The following PYGM variants were observed in gnomAD, a reference collection of about 807,000 sequenced individuals.
The protein encoded by PYGM is glycogen phosphorylase, muscle associated.
A neutral mutation model predicts 99.3 loss-of-function variants in PYGM; 81 were observed. The observed-to-expected ratio is 0.82, with a 90% CI of 0.68 to 0.98. PYGM has a LOEUF of 0.98. Among genes scored for constraint, PYGM ranks in the 50% least tolerant of loss-of-function variants. The probability of loss-of-function intolerance (pLI) is 0.00; values close to 1 mark genes in which losing one functional copy is unlikely to be tolerated. For synonymous variants in PYGM, 436 were observed against 451.5 expected (o/e 0.97, Z 0.44); for missense variants, 1,030 against 1,158.1 (o/e 0.89, Z 1.61).
At chr11:64,756,924 A>G (rs922849432) in intron 5 of PYGM, among the ~76,000 whole-genome samples, 2 of 152,116 alleles carry the variant, frequency 1.3e-5, no homozygotes, top group African/African-American at 4.8e-5. Flanking sequence ...CTGAAGCCTC[A>G]GAGTAGCTGG....
chr11:64,757,940 C>G, intron 4 of PYGM, 30 bp from the exon 5 acceptor site: 1 of 1,613,138 alleles, frequency 6.2e-7, no homozygotes, highest in East Asian at 2.2e-5. Flanking sequence ...GGGAGAAAGG[C>G]CAGCAGTATC....
intron 17 of PYGM, chr11:64,748,196 G>A (rs1421596383): frequency 6.6e-6 from 1 of 152,494 alleles, no homozygotes; most frequent in Non-Finnish European, 1.5e-5. Context: ...CTAGTCCCTT[G>A]TGCGACTCTC....
rs1203712834 is a variant in PYGM, at chr11:64,755,422, G to T, written c.772+25C>A. ...CGTGGCCGGCGGGCAAGCTGGGGTTGCTGGCTACCAGTGGATGAACTCACA... is the reference window on the plus strand; with the variant it reads ...CGTGGCCGGCGGGCAAGCTGGGGTTTCTGGCTACCAGTGGATGAACTCACA... On this transcript the variant is annotated intron_variant, in intron 6 of 19. Transcript: ENST00000164139. This position sits in a 1 kb window ranked among gnomAD's most constrained non-coding sequence, Gnocchi z 4.1. 2 of 1,612,796 alleles carry T rather than the reference G, an allele frequency of 1.2e-6. No homozygotes were observed. The highest frequency in any genetic ancestry group is 1.7e-6 in the Non-Finnish European group (2 of 1,178,864).
At position 64,746,643 on chromosome 11, in the gene PYGM, G is replaced by T. The variant is rs746840724; in HGVS notation, c.*16C>A. On this transcript the variant is annotated 3_prime_UTR_variant, in exon 20 of 20. Transcript: ENST00000164139. ...GTGACAGACTCAAGGGCTGGTTTGG[G>T]GTCTGGTCTGGAGGCTCAGATGGCC... is the stretch of plus-strand genomic sequence containing the variant. 7.4e-6 allele frequency: 12 copies of T among 1,613,930 alleles called. No individual in the cohort carries two copies. Among genetic ancestry groups the T allele is most frequent in the Non-Finnish European group, 1.0e-5 (12 of 1,180,026 alleles).
Position 64,754,537 on chromosome 11 carries a change from T to C in PYGM, c.999+156A>G. 4 of 1,219,994 alleles carry C rather than the reference T, an allele frequency of 3.3e-6. No individual in the cohort carries two copies. The highest frequency in any genetic ancestry group is 4.6e-6 in the Non-Finnish European group (4 of 869,730). The allele number at this position is 1,219,994 out of a possible 1,614,324, so 75.6% of individuals were successfully genotyped here. A position where few individuals can be genotyped will look rare whatever the true frequency, so the allele number is the denominator to read the frequency against. Reference sequence around the variant, plus strand: ...GCGGGAGGAGGAGGGAAGCCCAGGTTCTGAGCCTGTGGATTGTGAATCCTG... The same window carrying C: ...GCGGGAGGAGGAGGGAAGCCCAGGTCCTGAGCCTGTGGATTGTGAATCCTG... On this transcript the variant is annotated intron_variant, in intron 8 of 19. Transcript: ENST00000164139. This position sits in a 1 kb window ranked among gnomAD's most constrained non-coding sequence, Gnocchi z 5.5.
chr11:64,759,721 C>T lies in PYGM; in HGVS notation c.178G>A (p.Val60Met), dbSNP rs765962705. 1.7e-5 allele frequency: 27 copies of T among 1,614,046 alleles called. No individual in the cohort carries two copies. The Admixed American group carries it at 2.3e-4, about 14-fold the overall frequency. ...CAGCGCCCCACGAGGTGGTCGCGCA[C>T]GGTATGGGCCAGAGCAAAGTAGTAG... ...RDYYFALAHT[V>M]RDHLVGRWIR... Residue 60 changes from valine (V) to methionine (M), a missense_variant, in exon 1 of 20, where the codon GTG becomes ATG. Transcript: ENST00000164139.
intron 1 of PYGM, among the ~76,000 whole-genome samples, 159 bp from the exon 2 acceptor site, chr11:64,758,863 C>T (rs980766863): frequency 6.6e-6 from 1 of 152,158 alleles, no homozygotes; most frequent in Admixed American, 6.5e-5. Context: ...TGGGGCCCAG[C>T]GGTTAAGGTT....
chr11:64,758,776 G>T, intron 1 of PYGM, 72 bp from the exon 2 acceptor site: 1 of 1,364,600 alleles, frequency 7.3e-7, no homozygotes, highest in Non-Finnish European at 1.0e-6. Context: ...GCCCAGCCAC[G>T]CCTGGACCTC....
intron 1 of PYGM, 55 bp from the exon 2 acceptor site, chr11:64,758,759 C>A: frequency 1.4e-6 from 2 of 1,449,794 alleles, no homozygotes; most frequent in South Asian, 2.3e-5. Context: ...CACCAACACT[C>A]AGCCAGGCCC....
chr11:64,757,819 A>C lies in PYGM; in HGVS notation c.620T>G (p.Val207Gly). 1 of 1,614,106 alleles carries C rather than the reference A, an allele frequency of 6.2e-7. No individual in the cohort carries two copies. Among genetic ancestry groups the C allele is most frequent in the South Asian group, 1.1e-5 (1 of 91,084 alleles). ...CTTGGCACCCTGGCTGGTGTGCTCC[A>C]CATGGCCGTAGAAGTGCACAGGTAG... Reference protein sequence around the residue: ...FTLPVHFYGHVEHTSQGAKWV... With the variant: ...FTLPVHFYGHGEHTSQGAKWV... Residue 207 changes from valine to glycine, a missense_variant, in exon 5 of 20, where the codon GTG becomes GGG. Val to Gly is a moderately radical substitution (Grantham distance 109). Transcript: ENST00000164139.
intron 13 of PYGM, 101 bp from the exon 14 acceptor site, chr11:64,752,172 C>T: frequency 6.5e-7 from 1 of 1,529,196 alleles, no homozygotes; most frequent in East Asian, 2.2e-5. Flanking sequence ...TACCAGGAGG[C>T]TCACTGGCTA....
Position 64,750,545 on chromosome 11 carries a change from C to G in PYGM, c.2008G>C (p.Ala670Pro). 2.5e-6 allele frequency: 4 copies of G among 1,614,200 alleles called. No individual in the cohort carries two copies. The highest frequency in any genetic ancestry group is 3.4e-6 in the Non-Finnish European group (4 of 1,180,042). ...CCGGTGCCTGAGGCTTCAGTGCCCG[C>G]AGTGGAGATCTGCTCAGAGAGGTCT... is the stretch of plus-strand genomic sequence containing the variant. ...AADLSEQIST[A>P]GTEASGTGNM... is the part of the protein sequence containing the mutation. Residue 670 changes from alanine to proline, a missense_variant, in exon 17 of 20, where the codon GCG (alanine) becomes CCG (proline). Transcript: ENST00000164139.
intron 11 of PYGM, 119 bp from the exon 12 acceptor site, chr11:64,753,306 G>T: frequency 8.2e-7 from 1 of 1,221,102 alleles, no homozygotes; most frequent in Admixed American, 1.7e-5. Context: ...TGCAGACCTG[G>T]GGAAGGTTGG....
chr11:64,746,486 G>T lies in PYGM; in HGVS notation c.*173C>A. The T allele has an allele frequency of 2.2e-6, 2 of 901,272 alleles. No individual in the cohort carries two copies. The highest frequency in any genetic ancestry group is 4.5e-5 in the Admixed American group (2 of 44,040). The allele number at this position is 901,272 out of a possible 1,614,324, so 55.8% of individuals were successfully genotyped here. A position where few individuals can be genotyped will look rare whatever the true frequency, so the allele number is the denominator to read the frequency against. On this transcript the variant is annotated 3_prime_UTR_variant, in exon 20 of 20. Transcript: ENST00000164139. ...GACCGGGAGCCCGAGGACGGAAGGG[G>T]GCCCGTGTCCTTAGTCACGCTGGAC...
Position 64,753,906 on chromosome 11 carries a change from G to T in PYGM, c.1212C>A (p.Ile404=). Residue 404 remains isoleucine, a synonymous_variant, in exon 10 of 20, where the codon ATC becomes ATA. Coordinates refer to ENST00000164139, the MANE Select transcript of PYGM (RefSeq NM_005609.4). ...TGAGGAAGCGCTGGTTGATCTCGTA[G>T]ATGATCTGGAGGTGCCGCGGCAGCA... The part of the protein sequence containing the change: ...ETLLPRHLQI[I]YEINQRFLNR... The T allele has an allele frequency of 6.3e-7, 1 of 1,587,622 alleles. No individual in the cohort carries two copies. The highest frequency in any genetic ancestry group is 8.6e-7 in the Non-Finnish European group (1 of 1,166,504).
At position 64,758,354 on chromosome 11, in the gene PYGM, G is replaced by A; in HGVS notation, c.425-5C>T. The A allele has an allele frequency of 6.2e-7, 1 of 1,613,520 alleles. No individual in the cohort carries two copies. The highest frequency in any genetic ancestry group is 1.1e-5 in the South Asian group (1 of 91,062). On this transcript the variant is annotated splice_polypyrimidine_tract_variant and splice_region_variant and intron_variant, in intron 3 of 19. Coordinates refer to ENST00000164139, the MANE Select transcript of PYGM (RefSeq NM_005609.4). ...CCATGGAGTCAAGAAAGCAGGCTGG[G>A]GGTGTGCAGGGAGGTGGCTGTCAGG...
rs375188510 is a variant in PYGM, at chr11:64,759,852, A to G, written c.47T>C (p.Val16Ala). ...GTTCTCCACGCCGGCCAGGCCACGC[A>G]CACTGATTTGCTTTCTTTTCTCTTG... ...SDQEKRKQIS[V>A]RGLAGVENVT... Residue 16 changes from valine to alanine, a missense_variant, in exon 1 of 20, where the codon GTG (valine) becomes GCG (alanine). Physicochemically the swap from Val to Ala is moderately conservative, Grantham distance 64. Coordinates refer to ENST00000164139, the MANE Select transcript of PYGM (RefSeq NM_005609.4). 1.9e-6 allele frequency: 3 copies of G among 1,614,234 alleles called. No homozygotes were observed. Among genetic ancestry groups the G allele is most frequent in the South Asian group, 2.2e-5 (2 of 91,088 alleles).
intron 17 of PYGM, 22 bp downstream of exon 17, chr11:64,750,354 C>T (rs1274793643): frequency 6.2e-7 from 1 of 1,613,864 alleles, no homozygotes; most frequent in Admixed American, 1.7e-5. Context: ...TGTCTTTTGC[C>T]CGTGAACCCT....
chr11:64,758,155 G>A (rs1565537933), intron 4 of PYGM, 91 bp downstream of exon 4: 3 of 1,462,442 alleles, frequency 2.1e-6, no homozygotes, highest in Non-Finnish European at 2.9e-6. Flanking sequence ...AGAGCTTGCG[G>A]GGCTGTTTCG....
Sources: gnomAD v4.1 joint callset for allele counts (sites outside exome capture counted in the v4.1 genomes callset) on GRCh38, gnomAD v4.1.1 for gene constraint, Gnocchi (gnomAD v3.1) non-coding constraint, MANE v1.5 for transcripts, NCBI Gene and HGNC (gene_info 2026-07-23, HGNC 2026-07-21) for gene names.